The following SLC9A7 variants were observed in gnomAD, a reference collection of about 807,000 sequenced individuals.
SLC9A7 encodes the protein sodium/hydrogen exchanger 7.
Under a neutral mutation model 52.6 loss-of-function variants are expected in SLC9A7, and 19 were observed. The ratio of observed to expected loss-of-function variants is 0.36; its 90% CI spans 0.25 to 0.53. The LOEUF is 0.53. SLC9A7 is among the 20% of genes least tolerant of loss of function. The pLI is 0.91. For synonymous variants in SLC9A7, 226 were observed against 252.1 expected (o/e 0.90, Z 0.98); for missense variants, 455 against 597.9 (o/e 0.76, Z 2.49).
At chrX:46,636,211 T>C (rs748114838) in intron 12 of SLC9A7, among the ~76,000 whole-genome samples, 3 of 111,554 alleles carry the variant, frequency 2.7e-5, no homozygotes, top group Non-Finnish European at 5.7e-5. Context: ...TCTGCTATTC[T>C]CTTTAGCTTG....
At chrX:46,620,913 A>G in intron 15 of SLC9A7, 64 bp downstream of exon 15, 2 of 842,268 alleles carry the variant, frequency 2.4e-6, no homozygotes, top group Non-Finnish European at 3.5e-6. Flanking sequence ...TCATTCACCG[A>G]CAATTCAACA....
chrX:46,658,392 T>C, intron 7 of SLC9A7, among the ~76,000 whole-genome samples: 1 of 104,389 alleles, frequency 9.6e-6, no homozygotes, highest in East Asian at 3.0e-4. Flanking sequence ...CTGAAGGAAA[T>C]AGAGACACAA....
At chrX:46,616,039 G>C (rs1942942323) in intron 15 of SLC9A7, among the ~76,000 whole-genome samples, 1 of 110,004 alleles carries the variant, frequency 9.1e-6, no homozygotes, top group Admixed American at 9.8e-5. Flanking sequence ...CCAGTAAGCA[G>C]ACTGGATGCA....
At chrX:46,725,441 G>T in intron 1 of SLC9A7, 1 of 1,116,245 alleles carries the variant, frequency 9.0e-7, no homozygotes, top group Non-Finnish European at 1.2e-6. Flanking sequence ...CCTCAATCTG[G>T]TCGATTTTCA....
chrX:46,715,552 C>T lies in SLC9A7; in HGVS notation c.326-33017G>A, dbSNP rs73493094. 3.5e-3 allele frequency among the ~76,000 whole-genome samples: 390 copies of T among 111,182 alleles called. 2 individuals are homozygous for T. Among genetic ancestry groups the T allele is most frequent in the African/African-American group, 0.012 (373 of 30,663 alleles). On this transcript the variant is annotated intron_variant, in intron 1 of 16. Transcript: ENST00000616978. The stretch of plus-strand genomic sequence containing the variant: ...AATTCTGAATCTAATCAAATTTTTG[C>T]GAATGTGCCCTCATTCTCGGTTAGT...
At chrX:46,632,987 C>T (rs1234299041) in intron 13 of SLC9A7, among the ~76,000 whole-genome samples, 1 of 110,014 alleles carries the variant, frequency 9.1e-6, no homozygotes, top group Non-Finnish European at 1.9e-5. Context: ...ATGCATCTGG[C>T]AATTTTTTTT....
chrX:46,682,111 A>G (rs777371228), intron 2 of SLC9A7, among the ~76,000 whole-genome samples: 2 of 112,041 alleles, frequency 1.8e-5, no homozygotes, highest in African/African-American at 6.5e-5. Context: ...CATTTCAGCT[A>G]CAGATGCTAA....
chrX:46,697,377 T>C (rs190320049), intron 1 of SLC9A7, among the ~76,000 whole-genome samples: 2 of 112,106 alleles, frequency 1.8e-5, no homozygotes, highest in Non-Finnish European at 3.8e-5. Flanking sequence ...TCGAGTTATG[T>C]TGCGGGAAGT....
At chrX:46,645,683 C>G (rs1367244765) in intron 11 of SLC9A7, among the ~76,000 whole-genome samples, 2 of 94,130 alleles carry the variant, frequency 2.1e-5, no homozygotes, top group East Asian at 7.6e-4. Flanking sequence ...AGATTTAGTA[C>G]AGTTATGCTC....
chrX:46,681,506 C>T (rs1277122677), intron 2 of SLC9A7, among the ~76,000 whole-genome samples: 1 of 111,729 alleles, frequency 9.0e-6, no homozygotes, highest in African/African-American at 3.3e-5. Flanking sequence ...GGGTAGATTC[C>T]AAAAACAACA....
intron 16 of SLC9A7, among the ~76,000 whole-genome samples, chrX:46,608,726 AC>A (rs1489946642): frequency 1.8e-5 from 2 of 111,057 alleles, no homozygotes; most frequent in East Asian, 5.7e-4. Context: ...GCTCTCTGCA[AC>A]CTCCACCTCC....
chrX:46,660,147 T>C (rs1430861719), intron 7 of SLC9A7, among the ~76,000 whole-genome samples: 4 of 108,974 alleles, frequency 3.7e-5, no homozygotes, highest in African/African-American at 6.7e-5. Context: ...TAAATGGTGC[T>C]GGGAAAACTG....
chrX:46,755,823 GAAAA>G (rs10718607), intron 1 of SLC9A7, among the ~76,000 whole-genome samples: 1 of 73,889 alleles, frequency 1.4e-5, no homozygotes. Context: ...CTCCGTCTTG[GAAAA>G]AAAAAAAAAA....
chrX:46,686,532 C>T (rs1308240718), intron 1 of SLC9A7, among the ~76,000 whole-genome samples: 2 of 111,964 alleles, frequency 1.8e-5, no homozygotes, highest in African/African-American at 6.5e-5. Context: ...AGCATATTTT[C>T]ATCTGCTGGA....
chrX:46,740,031 C>A (rs1334208308), intron 1 of SLC9A7, among the ~76,000 whole-genome samples: 1 of 111,567 alleles, frequency 9.0e-6, no homozygotes, highest in Admixed American at 9.5e-5. Flanking sequence ...GAGTCCTAGA[C>A]TAGAAAAAGA....
intron 1 of SLC9A7, among the ~76,000 whole-genome samples, chrX:46,703,704 A>G (rs1172830153): frequency 8.9e-6 from 1 of 111,964 alleles, no homozygotes; most frequent in Non-Finnish European, 1.9e-5. Flanking sequence ...CACTCACATA[A>G]TGGAGTCTAT....
chrX:46,718,688 A>G (rs1391529715), intron 1 of SLC9A7, among the ~76,000 whole-genome samples: 1 of 112,632 alleles, frequency 8.9e-6, no homozygotes, highest in Non-Finnish European at 1.9e-5. Flanking sequence ...CAACAGACAC[A>G]TGAAAAAATG....
intron 3 of SLC9A7, among the ~76,000 whole-genome samples, chrX:46,673,189 T>C (rs1944053581): frequency 9.0e-6 from 1 of 111,253 alleles, no homozygotes; most frequent in Non-Finnish European, 1.9e-5. Flanking sequence ...AGAGGGACAA[T>C]AGAGATGGAT....
rs1395871944 is a variant in SLC9A7 at position 46,602,646 on chromosome X, T to C, written c.*4306A>G. 8.9e-6 allele frequency: 1 copy of C among 112,730 alleles called. No homozygotes were observed. Among genetic ancestry groups the C allele is most frequent in the Non-Finnish European group, 1.9e-5 (1 of 53,352 alleles). 9.3% of individuals were successfully genotyped at this position (112,730 alleles called of 1,213,427 possible). A position where few individuals can be genotyped will look rare whatever the true frequency, so the allele number is the denominator to read the frequency against. ...TCTAGAACATCGGACTCGGCTGAAC[T>C]GTCGTCCCCACCAACCCAGAACAAA... On this transcript the variant is annotated 3_prime_UTR_variant, in exon 17 of 17. Coordinates refer to ENST00000616978, the MANE Select transcript of SLC9A7 (RefSeq NM_001257291.2).
Sources: gnomAD v4.1 joint callset for allele counts (sites outside exome capture counted in the v4.1 genomes callset) on GRCh38, gnomAD v4.1.1 for gene constraint, MANE v1.5 for transcripts, NCBI Gene and HGNC (gene_info 2026-07-23, HGNC 2026-07-21) for gene names.